MCF2L: variants seen among roughly 807,000 people sequenced by gnomAD.
MCF2L encodes guanine nucleotide exchange factor DBS.
In MCF2L, 97 loss-of-function variants were observed where a neutral mutation model predicts 153.4. The observed-to-expected ratio is 0.63, with a 90% CI of 0.54 to 0.75. MCF2L has a LOEUF of 0.75. Ranked by LOEUF, MCF2L falls within the 30% of genes least tolerant of loss-of-function variation. The pLI, the probability that MCF2L is intolerant of heterozygous loss-of-function variation, is 0.00. For missense variants in MCF2L, 1,347 were observed against 1,495.2 expected (o/e 0.90, Z 1.64); for synonymous variants, 659 against 632.2 (o/e 1.04, Z -0.64).
intron 1 of MCF2L, among the ~76,000 whole-genome samples, chr13:112,972,866 C>A (rs2082099114): frequency 3.7e-5 from 1 of 27,334 alleles, no homozygotes; most frequent in Non-Finnish European, 8.7e-5. Context: ...GATGGATGAG[C>A]AAAAGCTGTG....
rs775473965 is a variant in MCF2L at position 113,070,300 on chromosome 13, T to A, written c.996+127T>A. 1.6e-5 allele frequency: 9 copies of A among 550,116 alleles called. No individual in the cohort carries two copies. Among genetic ancestry groups the A allele is most frequent in the Non-Finnish European group, 2.7e-5 (9 of 328,086 alleles). The allele number at this position is 550,116 out of a possible 1,614,324, so 34.1% of individuals were successfully genotyped here. A position where few individuals can be genotyped will look rare whatever the true frequency, so the allele number is the denominator to read the frequency against. Reference sequence around the variant, plus strand: ...TTGACTTTGGCTTAATGCAGAAAAGTCTCCGCTTGCCAGGTGGAGCCTGTG... The same window carrying A: ...TTGACTTTGGCTTAATGCAGAAAAGACTCCGCTTGCCAGGTGGAGCCTGTG... On this transcript the variant is annotated intron_variant, in intron 9 of 29. Coordinates refer to ENST00000535094, the MANE Select transcript of MCF2L (RefSeq NM_001112732.3). This position sits in a 1 kb window ranked among gnomAD's most constrained non-coding sequence, Gnocchi z 5.6.
At chr13:113,090,435 C>T (rs1184908091) in intron 26 of MCF2L, 1 of 846,960 alleles carries the variant, frequency 1.2e-6, no homozygotes, top group Non-Finnish European at 1.4e-6. Flanking sequence ...CTTCCTCTCC[C>T]TGCCCCCCAC....
chr13:112,989,838 C>T (rs954156026), intron 1 of MCF2L, among the ~76,000 whole-genome samples: 5 of 152,228 alleles, frequency 3.3e-5, no homozygotes, highest in East Asian at 3.8e-4. Context: ...TTTCTGGCAC[C>T]GGGGACCAGT....
At chr13:112,955,068 G>A (rs1249474074) in intron 2 of MCF2L, among the ~76,000 whole-genome samples, 1 of 152,214 alleles carries the variant, frequency 6.6e-6, no homozygotes, top group Non-Finnish European at 1.5e-5. Flanking sequence ...GGGCAACATG[G>A]CCGGGACCCT....
At chr13:112,987,522 A>T (rs1044879258) in intron 1 of MCF2L, among the ~76,000 whole-genome samples, 1 of 152,204 alleles carries the variant, frequency 6.6e-6, no homozygotes, top group African/African-American at 2.4e-5. Flanking sequence ...TGGAGTTCAG[A>T]GATTTTAGCT....
chr13:113,091,432 C>T (rs1472129560), intron 26 of MCF2L, among the ~76,000 whole-genome samples: 1 of 152,226 alleles, frequency 6.6e-6, no homozygotes, highest in African/African-American at 2.4e-5. Flanking sequence ...CGGAACTGCC[C>T]ACCCCGTCGG....
chr13:113,064,996 A>T lies in MCF2L; in HGVS notation c.667A>T (p.Thr223Ser), dbSNP rs1283043204. ...QTAQMLQSFG[T>S]ELAETELPND... ...GGCTCAGATGCTGCAGTCCTTCGGG[A>T]CCGAGCTGGCTGAAACAGAGCTGCC... Residue 223 changes from threonine (T) to serine (S), a missense_variant, in exon 7 of 30, where the codon ACC becomes TCC. Around this residue, in one of 3 missense-constraint regions of MCF2L, gnomAD observed 820 missense variants for 921.2 expected, o/e 0.89. Transcript: ENST00000535094. The surrounding 1 kb of genome is among the most constrained non-coding windows in gnomAD (Gnocchi z 6.0). The T allele has an allele frequency of 6.2e-7, 1 of 1,612,772 alleles. No individual in the cohort carries two copies. Among genetic ancestry groups the T allele is most frequent in the East Asian group, 2.2e-5 (1 of 44,868 alleles).
Position 113,065,055 on chromosome 13 carries a change from T to A in MCF2L, c.726T>A (p.Cys242Ter), listed in dbSNP as rs759580777. Residue 242 changes from cysteine to a stop codon, truncating the protein, a stop_gained, in exon 7 of 30, where the codon TGT becomes TGA. Coordinates refer to ENST00000535094, the MANE Select transcript of MCF2L (RefSeq NM_001112732.3). LOFTEE classifies it high-confidence loss of function. ...NDVQSTSSVL[C>*]AHTEKKDKAK... ...TCCAGTCGACAAGCTCAGTGCTGTG[T>A]GCGCACACAGAGAAGAAGGACAAGG... is the stretch of plus-strand genomic sequence containing the variant. The A allele has an allele frequency of 6.2e-7, 1 of 1,604,562 alleles. No individual in the cohort carries two copies. Among genetic ancestry groups the A allele is most frequent in the African/African-American group, 1.4e-5 (1 of 71,750 alleles).
At chr13:112,963,766 G>A (rs140541589) in intron 2 of MCF2L, among the ~76,000 whole-genome samples, 11 of 152,316 alleles carry the variant, frequency 7.2e-5, no homozygotes, top group East Asian at 5.8e-4. Flanking sequence ...TCCAACCACC[G>A]GTGTCCATGG....
chr13:113,051,804 G>A (rs2087349990), intron 4 of MCF2L, among the ~76,000 whole-genome samples: 1 of 152,184 alleles, frequency 6.6e-6, no homozygotes, highest in Non-Finnish European at 1.5e-5. Context: ...CTCACCTGGC[G>A]AGGGGAGAGT....
At chr13:112,939,154 A>T (rs1382693931) in intron 2 of MCF2L, among the ~76,000 whole-genome samples, 1 of 152,202 alleles carries the variant, frequency 6.6e-6, no homozygotes, top group Non-Finnish European at 1.5e-5. Context: ...GTTCACTTTC[A>T]TCTGTGACAC....
At chr13:113,016,612 C>A (rs903018643) in intron 2 of MCF2L, among the ~76,000 whole-genome samples, 17 of 147,338 alleles carry the variant, frequency 1.2e-4, no homozygotes, top group African/African-American at 3.9e-4. Context: ...GGTACTGCTG[C>A]CCCCGCGTCA....
rs181393014 is a variant in MCF2L, at chr13:113,045,485, C to T, written c.369+124C>T. On this transcript the variant is annotated intron_variant, in intron 4 of 29. Coordinates refer to ENST00000535094, the MANE Select transcript of MCF2L (RefSeq NM_001112732.3). The surrounding 1 kb of genome is among the most constrained non-coding windows in gnomAD (Gnocchi z 4.2). ...TGCTGAGTGGGACAGAGCCCAGTCCCGGCGGGTGGAGGCCGGCGCCAAGGC... is the reference window on the plus strand; with the variant it reads ...TGCTGAGTGGGACAGAGCCCAGTCCTGGCGGGTGGAGGCCGGCGCCAAGGC... The T allele has an allele frequency of 2.2e-5, 20 of 889,178 alleles. No homozygotes were observed. The East Asian group carries it at 2.9e-4, about 13-fold the overall frequency. 55.1% of individuals were successfully genotyped at this position (889,178 alleles called of 1,614,324 possible). A position where few individuals can be genotyped will look rare whatever the true frequency, so the allele number is the denominator to read the frequency against.
intron 1 of MCF2L, chr13:112,979,186 TG>T: frequency 3.0e-6 from 1 of 328,494 alleles, no homozygotes; most frequent in Non-Finnish European, 4.4e-6. Flanking sequence ...TCCCTTCCTC[TG>T]GGTTTGTAGT....
At chr13:112,915,425 A>AAAAAAAAAAAAAAAAAAAAAAAAAAAAC (rs2081282349) in intron 2 of MCF2L, among the ~76,000 whole-genome samples, 1 of 149,870 alleles carries the variant, frequency 6.7e-6, no homozygotes, top group Non-Finnish European at 1.5e-5. Context: ...AAAAAAAAAA[A>AAAAAAAAAAAAAAAAAAAAAAAAAAAAC]TCCATCCTCA....
At chr13:112,976,972 C>G (rs1381988587) in intron 1 of MCF2L, among the ~76,000 whole-genome samples, 1 of 152,126 alleles carries the variant, frequency 6.6e-6, no homozygotes, top group Non-Finnish European at 1.5e-5. Context: ...CACGCTCTGT[C>G]CTTCCCTGCA....
At chr13:113,078,885 C>T in intron 15 of MCF2L, 146 bp downstream of exon 15, 1 of 769,454 alleles carries the variant, frequency 1.3e-6, no homozygotes, top group Non-Finnish European at 2.1e-6. Flanking sequence ...CCAACCGATA[C>T]CCAGAGGGCC....
At position 113,028,482 on chromosome 13, in the gene MCF2L, C is replaced by T. The variant is rs938040549; in HGVS notation, c.278+3724C>T. On this transcript the variant is annotated intron_variant, in intron 3 of 29. Coordinates refer to ENST00000535094, the MANE Select transcript of MCF2L (RefSeq NM_001112732.3). This position sits in a 1 kb window ranked among gnomAD's most constrained non-coding sequence, Gnocchi z 5.4. ...CTGCAGGACAAGACCCACTCAGCCA[C>T]CTCTGTAGATTGCGCATCTGTGAGT... Among the ~76,000 whole-genome samples, 3 of 152,212 alleles carry T rather than the reference C, an allele frequency of 2.0e-5. No homozygotes were observed. The highest frequency in any genetic ancestry group is 4.4e-5 in the Non-Finnish European group (3 of 68,040).
intron 2 of MCF2L, among the ~76,000 whole-genome samples, chr13:112,962,185 G>A (rs34306822): frequency 0.65 from 97,704 of 149,652 alleles, 32,169 homozygotes; most frequent in Non-Finnish European, 0.71. Context: ...GCACACACAC[G>A]CATGCACAAA....
Sources: allele counts gnomAD v4.1 joint callset (sites outside exome capture counted in the v4.1 genomes callset), GRCh38; gene constraint gnomAD v4.1.1; regional missense constraint gnomAD v4.1.1; non-coding constraint Gnocchi (gnomAD v3.1); transcripts MANE v1.5; gene names NCBI Gene and HGNC (gene_info 2026-07-23, HGNC 2026-07-21).